The following RAB11A variants were observed in gnomAD, a reference collection of about 807,000 sequenced individuals.
The protein encoded by RAB11A is RAB11A, member RAS oncogene family.
A neutral mutation model predicts 28.0 loss-of-function variants in RAB11A; 9 were observed. That is an observed-to-expected ratio of 0.32 (90% CI 0.19 to 0.56). RAB11A has a LOEUF of 0.56. Ranked by LOEUF, RAB11A falls within the 20% of genes least tolerant of loss-of-function variation. The probability of loss-of-function intolerance (pLI) is 0.91; values close to 1 mark genes in which losing one functional copy is unlikely to be tolerated. For synonymous variants in RAB11A, 85 were observed against 88.2 expected (o/e 0.96, Z 0.20); for missense variants, 108 against 269.6 (o/e 0.40, Z 4.20).
chr15:65,873,694 C>T (rs1449675063), intron 1 of RAB11A, among the ~76,000 whole-genome samples: 2 of 151,944 alleles, frequency 1.3e-5, no homozygotes, highest in African/African-American at 4.8e-5. Context: ...GCTGCAACTA[C>T]AAATGTGCTC....
At chr15:65,881,131 A>G in intron 4 of RAB11A, among the ~76,000 whole-genome samples, 1 of 152,226 alleles carries the variant, frequency 6.6e-6, no homozygotes, top group Admixed American at 6.5e-5. Context: ...TATCAGAAGA[A>G]TAGTGCTGGG....
intron 1 of RAB11A, among the ~76,000 whole-genome samples, chr15:65,871,217 T>C (rs938508839): frequency 2.0e-5 from 3 of 152,272 alleles, no homozygotes; most frequent in South Asian, 2.1e-4. Flanking sequence ...TCTGCTGTTA[T>C]ACTCTTATCA....
chr15:65,885,979 C>T (rs75317775), intron 4 of RAB11A, among the ~76,000 whole-genome samples: 9,543 of 152,170 alleles, frequency 0.063, 430 homozygotes, highest in Non-Finnish European at 0.092. Context: ...TACATTATCT[C>T]GTGAAAGAGT....
chr15:65,886,652 A>G (rs2078257645), intron 4 of RAB11A, among the ~76,000 whole-genome samples: 1 of 152,244 alleles, frequency 6.6e-6, no homozygotes, highest in Non-Finnish European at 1.5e-5. Flanking sequence ...GCAGTGCAGT[A>G]TAAGACCAAA....
chr15:65,889,075 T>G lies in RAB11A; in HGVS notation c.*1235T>G, dbSNP rs2078270742. Reference sequence around the variant, plus strand: ...GAAATGTGCACACTAATATTTAGTTTTGCTTTCTCGTGGATAATATTAAGC... The same window carrying G: ...GAAATGTGCACACTAATATTTAGTTGTGCTTTCTCGTGGATAATATTAAGC... On this transcript the variant is annotated 3_prime_UTR_variant, in exon 5 of 5. Coordinates refer to ENST00000261890, the MANE Select transcript of RAB11A (RefSeq NM_004663.5). 6.5e-6 allele frequency: 1 copy of G among 152,686 alleles called. No individual in the cohort carries two copies. Among genetic ancestry groups the G allele is most frequent in the African/African-American group, 2.4e-5 (1 of 41,462 alleles). 9.5% of individuals were successfully genotyped at this position (152,686 alleles called of 1,614,324 possible).
At chr15:65,879,384 G>A (rs112295759) in intron 3 of RAB11A, among the ~76,000 whole-genome samples, 2,802 of 152,014 alleles carry the variant, frequency 0.018, 47 homozygotes, top group Non-Finnish European at 0.026. Context: ...GGTGGCTCAT[G>A]CCTGTAATCT....
At position 65,886,235 on chromosome 15, in the gene RAB11A, G is replaced by A. The variant is rs535761469; in HGVS notation, c.512-1466G>A. Among the ~76,000 whole-genome samples the A allele has an allele frequency of 2.0e-5, 3 of 152,282 alleles. No homozygotes were observed. In the South Asian group the frequency reaches 6.2e-4, roughly 32 times the overall value. On this transcript the variant is annotated intron_variant, in intron 4 of 4. Coordinates refer to ENST00000261890, the MANE Select transcript of RAB11A (RefSeq NM_004663.5). ...GGAATTGTTTTGTATCTGGGATGTT[G>A]AATAAAGTAGCCACAGGTTACTATT...
chr15:65,870,411 A>T (rs536156140), intron 1 of RAB11A, among the ~76,000 whole-genome samples: 1 of 152,282 alleles, frequency 6.6e-6, no homozygotes, highest in East Asian at 1.9e-4. Flanking sequence ...CCACTCGCGC[A>T]CTTGTCGCAG....
intron 1 of RAB11A, among the ~76,000 whole-genome samples, chr15:65,872,702 G>A (rs1422310542): frequency 1.3e-5 from 2 of 152,072 alleles, no homozygotes; most frequent in Non-Finnish European, 2.9e-5. Flanking sequence ...CCAAAGTGCT[G>A]GGATTACTGG....
At chr15:65,886,306 T>G (rs2078255286) in intron 4 of RAB11A, among the ~76,000 whole-genome samples, 1 of 152,228 alleles carries the variant, frequency 6.6e-6, no homozygotes, top group African/African-American at 2.4e-5. Flanking sequence ...GGATTTTAAA[T>G]TTTATTTAAT....
intron 1 of RAB11A, among the ~76,000 whole-genome samples, chr15:65,876,650 C>G (rs1251589566): frequency 6.6e-6 from 1 of 152,126 alleles, no homozygotes; most frequent in Admixed American, 6.6e-5. Flanking sequence ...CCTAATACCC[C>G]CTGTTTATCT....
intron 1 of RAB11A, among the ~76,000 whole-genome samples, chr15:65,871,592 C>G (rs2078160978): frequency 6.6e-6 from 1 of 152,130 alleles, no homozygotes; most frequent in South Asian, 2.1e-4. Context: ...ATACAAGGTC[C>G]TTTTATTTTT....
chr15:65,877,729 G>GT lies in RAB11A; in HGVS notation c.237-29dup. Reference sequence around the variant, plus strand: ...TCCTGGTGTTTGCTTCCATCTTGTGGTTTTCTGATACTAAATATGTTTCTG... The same window carrying GT: ...TCCTGGTGTTTGCTTCCATCTTGTGGTTTTTCTGATACTAAATATGTTTCTG... On this transcript the variant is annotated intron_variant, in intron 2 of 4. Transcript: ENST00000261890. The surrounding 1 kb of genome is among the most constrained non-coding windows in gnomAD (Gnocchi z 4.1). The GT allele has an allele frequency of 6.6e-7, 1 of 1,513,572 alleles. No homozygotes were observed. The highest frequency in any genetic ancestry group is 1.9e-5 in the Admixed American group (1 of 51,346). The allele number at this position is 1,513,572 out of a possible 1,614,324, so 93.8% of individuals were successfully genotyped here.
At chr15:65,878,180 C>G (rs1363635386) in intron 3 of RAB11A, 1 of 592,832 alleles carries the variant, frequency 1.7e-6, no homozygotes, top group African/African-American at 1.8e-5. Context: ...TATTCTGTCT[C>G]TTTTTCTGTT....
intron 4 of RAB11A, among the ~76,000 whole-genome samples, chr15:65,882,834 A>G (rs2141106980): frequency 6.6e-6 from 1 of 152,320 alleles, no homozygotes; most frequent in African/African-American, 2.4e-5. Context: ...GATGTTTTTA[A>G]TACATACCTT....
intron 1 of RAB11A, among the ~76,000 whole-genome samples, chr15:65,870,289 C>G (rs991003934): frequency 6.6e-6 from 1 of 152,222 alleles, no homozygotes; most frequent in African/African-American, 2.4e-5. Flanking sequence ...CCCTCTCCCA[C>G]TCCCCATTTG....
chr15:65,877,882 C>G lies in RAB11A; in HGVS notation c.357C>G (p.Ile119Met). 1 of 1,613,744 alleles carries G rather than the reference C, an allele frequency of 6.2e-7. No individual in the cohort carries two copies. Among genetic ancestry groups the G allele is most frequent in the Non-Finnish European group, 8.5e-7 (1 of 1,179,672 alleles). Residue 119 changes from isoleucine (I) to methionine (M), a missense_variant, in exon 3 of 5, where the codon ATC becomes ATG. Transcript: ENST00000261890. This position sits in a 1 kb window ranked among gnomAD's most constrained non-coding sequence, Gnocchi z 4.1. ...ATCATGCTGATAGTAACATTGTTAT[C>G]ATGCTTGTGGGCAATAAGAGTGATC... is the stretch of plus-strand genomic sequence containing the variant. ...LRDHADSNIV[I>M]MLVGNKSDLR...
rs973107577 is a variant in RAB11A at position 65,878,380 on chromosome 15, T to C, written c.430+425T>C. 2.0e-5 allele frequency among the ~76,000 whole-genome samples: 3 copies of C among 152,128 alleles called. No homozygotes were observed. In the East Asian group the frequency reaches 5.8e-4, roughly 29 times the overall value. On this transcript the variant is annotated intron_variant, in intron 3 of 4. Coordinates refer to ENST00000261890, the MANE Select transcript of RAB11A (RefSeq NM_004663.5). ...GCATGCCAGAAGACAACATTGTGCATTGTGGCTAGTGAAAGTCTTGCGGCC... is the reference window on the plus strand; with the variant it reads ...GCATGCCAGAAGACAACATTGTGCACTGTGGCTAGTGAAAGTCTTGCGGCC...
At chr15:65,881,669 T>G (rs1299619371) in intron 4 of RAB11A, among the ~76,000 whole-genome samples, 1 of 152,072 alleles carries the variant, frequency 6.6e-6, no homozygotes, top group Non-Finnish European at 1.5e-5. Flanking sequence ...CACTCAAACA[T>G]GAACTAGTCG....
Sources: gnomAD v4.1 joint callset for allele counts (sites outside exome capture counted in the v4.1 genomes callset) on GRCh38, gnomAD v4.1.1 for gene constraint, Gnocchi (gnomAD v3.1) non-coding constraint, MANE v1.5 for transcripts, NCBI Gene and HGNC (gene_info 2026-07-23, HGNC 2026-07-21) for gene names.